C1QBP: variants seen among roughly 807,000 people sequenced by gnomAD.
C1QBP encodes the protein complement C1q binding protein, also known as complement component 1 Q subcomponent-binding protein, mitochondrial.
C1QBP carries 24 observed loss-of-function variants against 29.4 expected under a neutral mutation model. The observed-to-expected ratio is 0.82, with a 90% confidence interval of 0.59 to 1.15. The LOEUF (loss-of-function observed/expected upper bound fraction) is 1.15, where lower values mean the gene tolerates loss of function less well. Ranked by LOEUF, C1QBP falls within the 50% of genes most tolerant of loss-of-function variation. The pLI is 0.00. For missense variants in C1QBP, 337 were observed against 355.8 expected, an observed-to-expected ratio of 0.95 and a Z score of 0.43; for synonymous variants, 182 against 149.2, an observed-to-expected ratio of 1.22 and a Z score of -1.60.
chr17:5,433,647 G>C (rs764993340), intron 4 of C1QBP, 22 bp downstream of exon 4: 1 of 1,607,730 alleles, frequency 6.2e-7, no homozygotes, highest in African/African-American at 1.3e-5. Context: ...GTGCCAAGAG[G>C]CTAGCACTCC....
chr17:5,433,164 C>T lies in C1QBP; in HGVS notation c.700G>A (p.Ala234Thr). 1 of 1,611,438 alleles carries T rather than the reference C, an allele frequency of 6.2e-7. No individual in the cohort carries two copies. Among genetic ancestry groups the T allele is most frequent in the Non-Finnish European group, 8.5e-7 (1 of 1,179,306 alleles). Reference protein sequence around the residue: ...YTLNTDSLDWALYDHLMDFLA... With the variant: ...YTLNTDSLDWTLYDHLMDFLA... ...AAATCCATTAGGTGGTCATATAAGG[C>T]CTGCAAAGAACAATATTTACTAGTT... is the stretch of plus-strand genomic sequence containing the variant. The change falls in exon 6 of 6, where the codon GCC becomes ACC. Residue 234 changes from alanine to threonine, a missense_variant and splice_region_variant. Ala to Thr is a moderately conservative substitution (Grantham distance 58). Transcript: ENST00000225698.
chr17:5,433,297 T>C lies in C1QBP; in HGVS notation c.695A>G (p.Asp232Gly), dbSNP rs1916155218. Residue 232 changes from aspartate to glycine, a missense_variant, in exon 5 of 6, where the codon GAC becomes GGC. By Grantham distance (94) the Asp-to-Gly change is moderately conservative (BLOSUM62 -1). Transcript: ENST00000225698. ...TNYTLNTDSL[D>G]WALYDHLMDF... ...CCCACCTTATCAAGCACTCACCCAG[T>C]CCAAGGAATCTGTGTTGAGTGTATA... The C allele has an allele frequency of 6.2e-7, 1 of 1,614,160 alleles. No homozygotes were observed. The highest frequency in any genetic ancestry group is 8.5e-7 in the Non-Finnish European group (1 of 1,180,020).
intron 1 of C1QBP, 129 bp downstream of exon 1, chr17:5,438,713 G>A: frequency 6.5e-7 from 1 of 1,537,188 alleles, no homozygotes; most frequent in Non-Finnish European, 8.8e-7. Flanking sequence ...TCATACGTGG[G>A]TTTAGCCCGC....
Position 5,438,935 on chromosome 17 carries a change from T to C in C1QBP, c.139A>G (p.Ser47Gly), listed in dbSNP as rs1432933368. ...CGCCGCTCGGAACCTGCGCGCACGCTGAGCAGCCCGAAGGGCCGGGTGCAC... is the reference window on the plus strand; with the variant it reads ...CGCCGCTCGGAACCTGCGCGCACGCCGAGCAGCCCGAAGGGCCGGGTGCAC... ...RLCTRPFGLL[S>G]VRAGSERRPG... is the part of the protein sequence containing the mutation. The change falls in exon 1 of 6, where the codon AGC becomes GGC. Residue 47 changes from serine (S) to glycine (G), a missense_variant. By Grantham distance (56) the Ser-to-Gly change is moderately conservative. Coordinates refer to ENST00000225698, the MANE Select transcript of C1QBP (RefSeq NM_001212.4). 5 of 1,529,580 alleles carry C rather than the reference T, an allele frequency of 3.3e-6. No individual in the cohort carries two copies. Among genetic ancestry groups the C allele is most frequent in the East Asian group, 2.6e-5 (1 of 38,506 alleles). The allele number at this position is 1,529,580 out of a possible 1,614,324, so 94.8% of individuals were successfully genotyped here. A position where few individuals can be genotyped will look rare whatever the true frequency, so the allele number is the denominator to read the frequency against.
Position 5,433,713 on chromosome 17 carries a change from C to T in C1QBP, c.532G>A (p.Gly178Ser). 1.2e-6 allele frequency: 2 copies of T among 1,614,228 alleles called. No homozygotes were observed. Among genetic ancestry groups the T allele is most frequent in the Non-Finnish European group, 8.5e-7 (1 of 1,180,038 alleles). ...FVVEVIKNDD[G>S]KKALVLDCHY... ...CAGTCCAACACAAGGGCCTTCTTGC[C>T]ATCATCATTCTTTATAACTTCAACC... is the stretch of plus-strand genomic sequence containing the variant. The change falls in exon 4 of 6, where the codon GGC (glycine) becomes AGC (serine). Residue 178 changes from glycine (G) to serine (S), a missense_variant. By Grantham distance (56) the Gly-to-Ser change is moderately conservative. Transcript: ENST00000225698.
At position 5,438,169 on chromosome 17, in the gene C1QBP, G is replaced by C; in HGVS notation, c.337C>G (p.Leu113Val). 1 of 1,613,252 alleles carries C rather than the reference G, an allele frequency of 6.2e-7. No homozygotes were observed. The highest frequency in any genetic ancestry group is 1.1e-5 in the South Asian group (1 of 91,056). ...ACTAATTTCGCTTCTGTCCCATTCA[G>C]TTCCAGCTCCCAACCTCCAGACATC... The part of the protein sequence containing the change: ...PKMSGGWELE[L>V]NGTEAKLVRK... Residue 113 changes from leucine to valine, a missense_variant, in exon 2 of 6, where the codon CTG becomes GTG. By Grantham distance (32) the Leu-to-Val change is conservative. Transcript: ENST00000225698.
chr17:5,433,615 A>C, intron 4 of C1QBP, 54 bp downstream of exon 4: 1 of 1,573,026 alleles, frequency 6.4e-7, no homozygotes, highest in Non-Finnish European at 8.8e-7. Flanking sequence ...GAAGTTCCCA[A>C]GGGACACACT....
intron 2 of C1QBP, among the ~76,000 whole-genome samples, chr17:5,436,646 T>A (rs962969701): frequency 6.6e-5 from 10 of 151,662 alleles, no homozygotes; most frequent in African/African-American, 2.4e-4. Flanking sequence ...ACCCACAAGA[T>A]GGGAAACAGT....
In C1QBP at chr17:5,438,215, C is replaced by G. The variant is rs150276684; in HGVS notation, c.291G>C (p.Gln97His). 1 of 1,614,136 alleles carries G rather than the reference C, an allele frequency of 6.2e-7. No homozygotes were observed. The highest frequency in any genetic ancestry group is 1.7e-5 in the Admixed American group (1 of 60,014). The change falls in exon 2 of 6, where the codon CAG becomes CAC. Residue 97 changes from glutamine (Q) to histidine (H), a missense_variant. Coordinates refer to ENST00000225698, the MANE Select transcript of C1QBP (RefSeq NM_001212.4). ...ACATCTTAGGGAGGGTTTTATGCTT[C>G]TGAATTTTTCTTTCCTCCTTAATTT... Reference protein sequence around the residue: ...SDEIKEERKIQKHKTLPKMSG... With the variant: ...SDEIKEERKIHKHKTLPKMSG...
At chr17:5,436,826 T>G (rs923905944) in intron 2 of C1QBP, among the ~76,000 whole-genome samples, 1 of 152,196 alleles carries the variant, frequency 6.6e-6, no homozygotes, top group Non-Finnish European at 1.5e-5. Context: ...GAGACCAGCC[T>G]GGCCAACACG....
intron 2 of C1QBP, among the ~76,000 whole-genome samples, chr17:5,435,809 C>CACGA (rs1279084418): frequency 1.4e-5 from 2 of 146,090 alleles, no homozygotes; most frequent in African/African-American, 2.6e-5. Flanking sequence ...GTGGGCAGAT[C>CACGA]ACGAGGTCAA....
chr17:5,436,786 A>G (rs535048749), intron 2 of C1QBP, among the ~76,000 whole-genome samples: 33 of 152,096 alleles, frequency 2.2e-4, no homozygotes, highest in East Asian at 5.8e-4. Context: ...TTGGGAGGCC[A>G]AGGCGGGCGG....
In C1QBP at chr17:5,433,003, C is replaced by T. The variant is rs772009989; in HGVS notation, c.*12G>A. 1 of 1,604,376 alleles carries T rather than the reference C, an allele frequency of 6.2e-7. No homozygotes were observed. Among genetic ancestry groups the T allele is most frequent in the Non-Finnish European group, 8.5e-7 (1 of 1,176,590 alleles). Reference sequence around the variant, plus strand: ...CCTGCCATGAAACTATGGCTTTCAGCATCTGTCTGCTCTACTGGCTCTTGA... The same window carrying T: ...CCTGCCATGAAACTATGGCTTTCAGTATCTGTCTGCTCTACTGGCTCTTGA... On this transcript the variant is annotated 3_prime_UTR_variant, in exon 6 of 6. Transcript: ENST00000225698.
At chr17:5,434,238 A>G in intron 3 of C1QBP, 2 of 201,604 alleles carry the variant, frequency 9.9e-6, no homozygotes, top group Non-Finnish European at 2.0e-5. Flanking sequence ...GTCCAACGTC[A>G]GGGAGATGCT....
Position 5,438,856 on chromosome 17 carries a change from G to GAGCCGC in C1QBP, c.212_217dup (p.Cys71_Gly72dup), listed in dbSNP as rs1379380012. ...CTAAACCTCACCGTCGGTGTGCAGC[G>GAGCCGC]AGCCGCAGCCACAGCCACAGGCGCA... On this transcript the variant is annotated inframe_insertion, in exon 1 of 6. Transcript: ENST00000225698. The GAGCCGC allele has an allele frequency of 3.9e-6, 6 of 1,546,144 alleles. No individual in the cohort carries two copies. In the South Asian group the frequency reaches 6.0e-5, roughly 15 times the overall value.
At chr17:5,438,379 C>A in intron 1 of C1QBP, 106 bp from the exon 2 acceptor site, 1 of 1,337,910 alleles carries the variant, frequency 7.5e-7, no homozygotes. Context: ...TCTAATCTCT[C>A]TGCTATTACG....
chr17:5,438,510 A>G, intron 1 of C1QBP: 2 of 704,538 alleles, frequency 2.8e-6, no homozygotes, highest in Non-Finnish European at 4.5e-6. Flanking sequence ...GCTATAAACC[A>G]GGAGAATTTC....
intron 2 of C1QBP, among the ~76,000 whole-genome samples, chr17:5,437,590 T>C (rs1916308942): frequency 1.3e-5 from 2 of 152,218 alleles, no homozygotes; most frequent in South Asian, 4.1e-4. Flanking sequence ...GGATTATGGG[T>C]GTGAGCCACC....
intron 3 of C1QBP, chr17:5,434,543 C>T (rs1373050003): frequency 1.2e-5 from 2 of 172,116 alleles, no homozygotes; most frequent in East Asian, 1.7e-4. Context: ...TCTTGGCTCA[C>T]CGCAACCTCT....
Sources: gnomAD v4.1 joint callset for allele counts (sites outside exome capture counted in the v4.1 genomes callset) on GRCh38, gnomAD v4.1.1 for gene constraint, MANE v1.5 for transcripts, NCBI Gene and HGNC (gene_info 2026-07-23, HGNC 2026-07-21) for gene names.